Variants in CCNY observed in about 807,000 individuals in gnomAD.
CCNY encodes cyclin-Y.
Under a neutral mutation model 42.8 loss-of-function variants are expected in CCNY, and 19 were observed. That is an observed-to-expected ratio of 0.44 (90% CI 0.31 to 0.65). The LOEUF is 0.65. Ranked by LOEUF, CCNY falls within the 30% of genes least tolerant of loss-of-function variation. CCNY has a pLI of 0.07. For synonymous variants in CCNY, 165 were observed against 162.7 expected, an observed-to-expected ratio of 1.01 and a Z score of -0.11; for missense variants, 370 against 437.3, an observed-to-expected ratio of 0.85 and a Z score of 1.37.
intron 7 of CCNY, among the ~76,000 whole-genome samples, chr10:35,542,777 T>C (rs959226624): frequency 2.6e-5 from 4 of 152,220 alleles, no homozygotes; most frequent in Admixed American, 1.3e-4. Flanking sequence ...CCTTTATGGG[T>C]CACTTTTAAT....
At chr10:35,346,799 G>T (rs1836314269) in intron 1 of CCNY, among the ~76,000 whole-genome samples, 2 of 152,074 alleles carry the variant, frequency 1.3e-5, no homozygotes, top group African/African-American at 4.8e-5. Context: ...GCTAATTTTT[G>T]TATTTTTTGT....
chr10:35,512,560 A>G (rs1239250113), intron 3 of CCNY, among the ~76,000 whole-genome samples: 3 of 152,230 alleles, frequency 2.0e-5, no homozygotes, highest in Admixed American at 6.5e-5. Flanking sequence ...ACCCATCTGC[A>G]TAGCGGACTT....
At chr10:35,439,721 T>A (rs1165850938) in intron 1 of CCNY, among the ~76,000 whole-genome samples, 2 of 151,980 alleles carry the variant, frequency 1.3e-5, no homozygotes, top group Non-Finnish European at 1.5e-5. Flanking sequence ...TTTTTTTTTT[T>A]AATTGAAACC....
chr10:35,508,332 G>A (rs1016318399), intron 3 of CCNY, among the ~76,000 whole-genome samples: 1 of 152,054 alleles, frequency 6.6e-6, no homozygotes, highest in African/African-American at 2.4e-5. Flanking sequence ...TAAATATTTC[G>A]ATGTCCTAGA....
At chr10:35,251,340 A>G (rs1469065908) in intron 3 of CCNY, among the ~76,000 whole-genome samples, 3 of 152,222 alleles carry the variant, frequency 2.0e-5, no homozygotes, top group Non-Finnish European at 4.4e-5. Context: ...AAAATGTACA[A>G]ATGAAATACA....
chr10:35,503,684 C>T (rs1317290445), intron 3 of CCNY, among the ~76,000 whole-genome samples: 2 of 152,272 alleles, frequency 1.3e-5, no homozygotes, highest in South Asian at 2.1e-4. Flanking sequence ...TTAATGGACT[C>T]ATTTAGTTAG....
chr10:35,343,798 G>A (rs1347164543), intron 1 of CCNY, among the ~76,000 whole-genome samples: 2 of 152,232 alleles, frequency 1.3e-5, no homozygotes, highest in African/African-American at 4.8e-5. Flanking sequence ...CAGGATATGT[G>A]TGTGGCTTTG....
intron 1 of CCNY, among the ~76,000 whole-genome samples, chr10:35,415,944 T>A (rs890557079): frequency 3.3e-5 from 5 of 152,244 alleles, no homozygotes; most frequent in Non-Finnish European, 5.9e-5. Flanking sequence ...AAAGGCATCT[T>A]TTCTTCATTT....
chr10:35,382,999 G>T (rs749199882), intron 1 of CCNY, among the ~76,000 whole-genome samples: 40 of 152,180 alleles, frequency 2.6e-4, no homozygotes, highest in Non-Finnish European at 5.4e-4. Context: ...CCTTGGGTCT[G>T]AGCCACATTA....
intron 3 of CCNY, among the ~76,000 whole-genome samples, chr10:35,299,570 T>C (rs1156581870): frequency 6.6e-6 from 1 of 152,218 alleles, no homozygotes; most frequent in Non-Finnish European, 1.5e-5. Flanking sequence ...TTGCCAGAAA[T>C]GGATACAGTC....
chr10:35,507,975 G>T (rs1372940386), intron 3 of CCNY, among the ~76,000 whole-genome samples: 1 of 152,036 alleles, frequency 6.6e-6, no homozygotes, highest in African/African-American at 2.4e-5. Flanking sequence ...TGATTACCGG[G>T]CAAGGTGCTG....
chr10:35,555,563 C>G (rs539715054), intron 8 of CCNY, among the ~76,000 whole-genome samples: 56 of 152,294 alleles, frequency 3.7e-4, no homozygotes, highest in African/African-American at 1.2e-3. Context: ...TCACATTTAT[C>G]CATGAGGTGG....
chr10:35,553,549 A>T (rs1841304014), intron 8 of CCNY, among the ~76,000 whole-genome samples: 1 of 152,214 alleles, frequency 6.6e-6, no homozygotes, highest in Admixed American at 6.5e-5. Flanking sequence ...CAGAGAGGTA[A>T]TGCCGCCATA....
At chr10:35,547,161 A>G (rs1841132893) in intron 7 of CCNY, among the ~76,000 whole-genome samples, 1 of 152,146 alleles carries the variant, frequency 6.6e-6, no homozygotes, top group Admixed American at 6.6e-5. Flanking sequence ...AATTCCACTG[A>G]GCCTCACCTA....
At chr10:35,325,499 GAC>G (rs1394113840) in intron 3 of CCNY, among the ~76,000 whole-genome samples, 1 of 133,646 alleles carries the variant, frequency 7.5e-6, no homozygotes, top group Non-Finnish European at 1.6e-5. Flanking sequence ...TTTTTTTTGA[GAC>G]AGAGTTTCGC....
At chr10:35,290,579 C>G (rs1007771528) in intron 3 of CCNY, among the ~76,000 whole-genome samples, 1 of 152,152 alleles carries the variant, frequency 6.6e-6, no homozygotes, top group African/African-American at 2.4e-5. Context: ...AATTCACATA[C>G]TATACAATTC....
intron 3 of CCNY, among the ~76,000 whole-genome samples, chr10:35,327,264 G>T (rs1004424965): frequency 6.6e-6 from 1 of 152,136 alleles, no homozygotes; most frequent in African/African-American, 2.4e-5. Context: ...TATATATTCA[G>T]TTTTGCAATC....
At chr10:35,426,054 G>A (rs886095053) in intron 1 of CCNY, among the ~76,000 whole-genome samples, 20 of 150,296 alleles carry the variant, frequency 1.3e-4, no homozygotes, top group Middle Eastern at 3.4e-3. Context: ...TCTGCCATCT[G>A]GGTTCCTGTC....
In CCNY at chr10:35,376,977, A is replaced by G. The variant is rs916875787; in HGVS notation, c.154+39770A>G. 1.1e-4 allele frequency among the ~76,000 whole-genome samples: 16 copies of G among 152,274 alleles called. No homozygotes were observed. In the East Asian group the frequency reaches 3.1e-3, roughly 29 times the overall value. On this transcript the variant is annotated intron_variant, in intron 1 of 9. Transcript: ENST00000374704. ...AATGTTTTGGAATTACATAGCAGTG[A>G]TGATTGTACAACTTTGTGAATGTAC...
Sources: allele counts gnomAD v4.1 joint callset (sites outside exome capture counted in the v4.1 genomes callset), GRCh38; gene constraint gnomAD v4.1.1; transcripts MANE v1.5; gene names NCBI Gene and HGNC (gene_info 2026-07-23, HGNC 2026-07-21).